ZDHHC1: variants seen among roughly 807,000 people sequenced by gnomAD.
The protein encoded by ZDHHC1 is palmitoyltransferase ZDHHC1.
A neutral mutation model predicts 46.9 loss-of-function variants in ZDHHC1; 45 were observed. That is an observed-to-expected ratio of 0.96 (90% CI 0.76 to 1.23). ZDHHC1 has a LOEUF of 1.23. ZDHHC1 is among the 50% of genes most tolerant of loss of function. The pLI is 0.00. For missense variants in ZDHHC1, 649 were observed against 670.8 expected, an observed-to-expected ratio of 0.97 and a Z score of 0.36; for synonymous variants, 291 against 286.0, an observed-to-expected ratio of 1.02 and a Z score of -0.18.
chr16:67,415,709 T>C (rs1228958820), intron 1 of ZDHHC1, among the ~76,000 whole-genome samples: 1 of 151,318 alleles, frequency 6.6e-6, no homozygotes, highest in East Asian at 2.0e-4. Flanking sequence ...ATGACCCGAG[T>C]CGTGCCACTG....
rs1597527788 is a variant in ZDHHC1, at chr16:67,394,880, G to A, written c.1179C>T (p.Pro393=). Residue 393 remains proline (P), a synonymous_variant, in exon 12 of 12, where the codon CCC becomes CCT. Transcript: ENST00000565726. The part of the protein sequence containing the change: ...TSDPASGPRA[P]SRRSSSSTDS... ...CCGTCGACGAGCTGGAGCGGCGGCT[G>A]GGGGCCCTAGGCCCTGCGCAAGGGA... 3 of 1,561,474 alleles carry A rather than the reference G, an allele frequency of 1.9e-6. No homozygotes were observed. The East Asian group carries it at 7.0e-5, about 37-fold the overall frequency.
chr16:67,405,560 C>T (rs555116002), intron 3 of ZDHHC1, among the ~76,000 whole-genome samples: 55 of 152,356 alleles, frequency 3.6e-4, no homozygotes, highest in Middle Eastern at 3.4e-3. Context: ...ATCCTCTGCT[C>T]CTGGGGGCTG....
Position 67,394,882 on chromosome 16 carries a change from G to A in ZDHHC1, c.1177C>T (p.Pro393Ser). 6.4e-7 allele frequency: 1 copy of A among 1,563,736 alleles called. No individual in the cohort carries two copies. The highest frequency in any genetic ancestry group is 8.6e-7 in the Non-Finnish European group (1 of 1,157,294). ...TSDPASGPRA[P>S]SRRSSSSTDS... ...GTCGACGAGCTGGAGCGGCGGCTGG[G>A]GGCCCTAGGCCCTGCGCAAGGGAAG... Residue 393 changes from proline (P) to serine (S), a missense_variant, in exon 12 of 12, where the codon CCC becomes TCC. Pro to Ser is a moderately conservative substitution (Grantham distance 74, BLOSUM62 -1). Transcript: ENST00000565726.
At chr16:67,403,492 G>A (rs1395779935) in intron 3 of ZDHHC1, among the ~76,000 whole-genome samples, 3 of 151,878 alleles carry the variant, frequency 2.0e-5, no homozygotes, top group Non-Finnish European at 4.4e-5. Flanking sequence ...CTTCCGGGCA[G>A]AGACCAGTGC....
intron 3 of ZDHHC1, among the ~76,000 whole-genome samples, chr16:67,403,490 CAG>C (rs533788587): frequency 9.7e-4 from 148 of 152,132 alleles, no homozygotes; most frequent in African/African-American, 3.4e-3. Context: ...GGCTTCCGGG[CAG>C]AGACCAGTGC....
At position 67,406,212 on chromosome 16, in the gene ZDHHC1, G is replaced by A. The variant is rs770545062; in HGVS notation, c.240C>T (p.Pro80=). ...TTCCCAAGGATACAGCGTAGCCAGC[G>A]GGCACCCAGTGGTGAGGCAGGAGGG... is the stretch of plus-strand genomic sequence containing the variant. The part of the protein sequence containing the change: ...LVPLLPHHWV[P]AGYACMGAIF... Residue 80 remains proline, a synonymous_variant, in exon 3 of 12, where the codon CCC becomes CCT. Coordinates refer to ENST00000565726, the MANE Select transcript of ZDHHC1 (RefSeq NM_001323627.2). The surrounding 1 kb of genome is among the most constrained non-coding windows in gnomAD (Gnocchi z 4.1). 2.4e-5 allele frequency: 39 copies of A among 1,613,646 alleles called. No individual in the cohort carries two copies. The highest frequency in any genetic ancestry group is 4.5e-5 in the East Asian group (2 of 44,896).
intron 1 of ZDHHC1, among the ~76,000 whole-genome samples, chr16:67,410,096 C>A (rs1253560246): frequency 6.6e-6 from 1 of 152,136 alleles, no homozygotes; most frequent in Non-Finnish European, 1.5e-5. Flanking sequence ...GGTGAGGACA[C>A]ATGGGCACTG....
At chr16:67,404,860 T>C in intron 3 of ZDHHC1, 1 of 385,828 alleles carries the variant, frequency 2.6e-6, no homozygotes, top group Non-Finnish European at 5.3e-6. Context: ...TGATTTGCTC[T>C]GCTTCTACTT....
intron 1 of ZDHHC1, among the ~76,000 whole-genome samples, chr16:67,413,412 C>A (rs1053862469): frequency 6.6e-6 from 1 of 152,186 alleles, no homozygotes; most frequent in Non-Finnish European, 1.5e-5. Context: ...TGCAAAAAGT[C>A]ATTTACAAAA....
At chr16:67,410,767 G>A (rs925241512) in intron 1 of ZDHHC1, among the ~76,000 whole-genome samples, 3 of 151,944 alleles carry the variant, frequency 2.0e-5, no homozygotes, top group Admixed American at 2.0e-4. Flanking sequence ...CCAGGTTCAA[G>A]CGATTCTCCT....
At chr16:67,413,862 C>A (rs773575230) in intron 1 of ZDHHC1, among the ~76,000 whole-genome samples, 29 of 151,200 alleles carry the variant, frequency 1.9e-4, no homozygotes, top group Non-Finnish European at 3.7e-4. Flanking sequence ...TCTCTTGAAC[C>A]CAGGAGGTGG....
chr16:67,398,087 G>T (rs1012444207), intron 8 of ZDHHC1, 125 bp downstream of exon 8: 1 of 923,592 alleles, frequency 1.1e-6, no homozygotes. Context: ...GCACAAGCCC[G>T]GTCCCTGCTG....
At chr16:67,395,395 C>G in intron 9 of ZDHHC1, 89 bp downstream of exon 9, 1 of 1,534,930 alleles carries the variant, frequency 6.5e-7, no homozygotes, top group African/African-American at 1.4e-5. Flanking sequence ...GACCCATGCC[C>G]CGACCTTAGC....
In ZDHHC1 at chr16:67,406,059, G is replaced by GTCCC. The variant is rs1418584732; in HGVS notation, c.252+137_252+140dup. 3.9e-6 allele frequency: 5 copies of GTCCC among 1,294,512 alleles called. No individual in the cohort carries two copies. In the African/African-American group the frequency reaches 7.6e-5, roughly 20 times the overall value. The allele number at this position is 1,294,512 out of a possible 1,614,324, so 80.2% of individuals were successfully genotyped here. A position where few individuals can be genotyped will look rare whatever the true frequency, so the allele number is the denominator to read the frequency against. On this transcript the variant is annotated intron_variant, in intron 3 of 11. Coordinates refer to ENST00000565726, the MANE Select transcript of ZDHHC1 (RefSeq NM_001323627.2). The surrounding 1 kb of genome is among the most constrained non-coding windows in gnomAD (Gnocchi z 4.1). ...CTGGAGACAGGCTGGGAAGCAGCAA[G>GTCCC]TCCCCAGGACTGGGCCCACCCTGCT... is the stretch of plus-strand genomic sequence containing the variant.
chr16:67,414,434 G>A (rs565886364), intron 1 of ZDHHC1, among the ~76,000 whole-genome samples: 1 of 152,266 alleles, frequency 6.6e-6, no homozygotes, highest in South Asian at 2.1e-4. Flanking sequence ...TTTCAGTAAA[G>A]GAAGTCAAGC....
In ZDHHC1 at chr16:67,399,348, T is replaced by G; in HGVS notation, c.530+7A>C. 2 of 1,611,256 alleles carry G rather than the reference T, an allele frequency of 1.2e-6. No individual in the cohort carries two copies. Among genetic ancestry groups the G allele is most frequent in the South Asian group, 2.2e-5 (2 of 90,884 alleles). ...CCCAGGCCCGCGTGCGGCCGGGCTG[T>G]CCTCACCGGTAGTTCCGCTCGCCCA... is the stretch of plus-strand genomic sequence containing the variant. On this transcript the variant is annotated splice_region_variant and intron_variant, in intron 5 of 11. Transcript: ENST00000565726.
At chr16:67,399,691 A>AGGTG (rs1251277593) in intron 4 of ZDHHC1, among the ~76,000 whole-genome samples, 1 of 152,062 alleles carries the variant, frequency 6.6e-6, no homozygotes, top group Non-Finnish European at 1.5e-5. Context: ...AGGGGTAAGG[A>AGGTG]GGTGCACCCC....
intron 5 of ZDHHC1, among the ~76,000 whole-genome samples, 183 bp from the exon 6 acceptor site, chr16:67,399,127 G>C (rs1484704219): frequency 6.6e-6 from 1 of 152,166 alleles, no homozygotes; most frequent in Non-Finnish European, 1.5e-5. Context: ...CCATCAGGCA[G>C]CCCACATTTC....
chr16:67,406,146 C>T lies in ZDHHC1; in HGVS notation c.252+54G>A. Reference sequence around the variant, plus strand: ...CGGCTTTGGGCCTCCGCTGTGCCAGCCATCCTTTGCCTCCCCACTTCCACA... The same window carrying T: ...CGGCTTTGGGCCTCCGCTGTGCCAGTCATCCTTTGCCTCCCCACTTCCACA... On this transcript the variant is annotated intron_variant, in intron 3 of 11. Coordinates refer to ENST00000565726, the MANE Select transcript of ZDHHC1 (RefSeq NM_001323627.2). This position sits in a 1 kb window ranked among gnomAD's most constrained non-coding sequence, Gnocchi z 4.1. 1.9e-6 allele frequency: 3 copies of T among 1,575,634 alleles called. No homozygotes were observed. Among genetic ancestry groups the T allele is most frequent in the Non-Finnish European group, 2.6e-6 (3 of 1,158,194 alleles).
Sources: allele counts gnomAD v4.1 joint callset (sites outside exome capture counted in the v4.1 genomes callset), GRCh38; gene constraint gnomAD v4.1.1; non-coding constraint Gnocchi (gnomAD v3.1); transcripts MANE v1.5; gene names NCBI Gene and HGNC (gene_info 2026-07-23, HGNC 2026-07-21).